Variants in TPRG1 observed in about 807,000 individuals in gnomAD.
TPRG1 encodes tumor protein p63 regulated 1.
A neutral mutation model predicts 29.3 loss-of-function variants in TPRG1; 29 were observed. The ratio of observed to expected loss-of-function variants is 0.99; its 90% CI spans 0.74 to 1.35. TPRG1 has a LOEUF of 1.35. Among genes scored for constraint, TPRG1 ranks in the 40% most tolerant of loss-of-function variants. The pLI is 0.00. For synonymous variants in TPRG1, 130 were observed against 116.8 expected, an observed-to-expected ratio of 1.11 and a Z score of -0.73; for missense variants, 327 against 335.0, an observed-to-expected ratio of 0.98 and a Z score of 0.19.
At chr3:189,193,132 A>ATTTTTTTTTTTTTT (rs555964454) in intron 1 of TPRG1, among the ~76,000 whole-genome samples, 1 of 90,252 alleles carries the variant, frequency 1.1e-5, no homozygotes, top group Non-Finnish European at 2.1e-5. Context: ...TTGACTTTTA[A>ATTTTTTTTTTTTTT]TTTTTTTTTT....
chr3:189,227,761 C>T (rs776126773), intron 3 of TPRG1, among the ~76,000 whole-genome samples: 6 of 152,276 alleles, frequency 3.9e-5, no homozygotes, highest in South Asian at 2.1e-4. Flanking sequence ...ACTATGGTCA[C>T]GCCACTGGCC....
intron 1 of TPRG1, among the ~76,000 whole-genome samples, chr3:189,109,287 C>T (rs1720204866): frequency 6.6e-6 from 1 of 152,152 alleles, no homozygotes; most frequent in African/African-American, 2.4e-5. Flanking sequence ...AAAGAGGAAA[C>T]GACTGTCTAG....
chr3:189,226,797 C>CAAA (rs1175619202), intron 3 of TPRG1, among the ~76,000 whole-genome samples: 1 of 81,760 alleles, frequency 1.2e-5, no homozygotes, highest in Non-Finnish European at 2.6e-5. Flanking sequence ...GCAAGGCTGA[C>CAAA]AAAAAAAAAA....
chr3:189,022,548 G>A (rs1187646406), intron 3 of TPRG1, among the ~76,000 whole-genome samples: 2 of 151,600 alleles, frequency 1.3e-5, no homozygotes, highest in East Asian at 1.9e-4. Flanking sequence ...CTGCTCGGGG[G>A]TCAGGGGTCA....
chr3:189,094,884 C>G (rs76936975), intron 4 of TPRG1, among the ~76,000 whole-genome samples: 2 of 152,078 alleles, frequency 1.3e-5, no homozygotes, highest in African/African-American at 4.8e-5. Flanking sequence ...TTGCTCTGGT[C>G]GAGGCAGGGA....
chr3:189,253,156 A>G (rs1189775525), intron 4 of TPRG1, among the ~76,000 whole-genome samples: 2 of 152,084 alleles, frequency 1.3e-5, no homozygotes, highest in African/African-American at 2.4e-5. Context: ...TCAACCCATC[A>G]TCTACATTAG....
chr3:189,094,499 C>G (rs1302427878), intron 4 of TPRG1, among the ~76,000 whole-genome samples: 4 of 152,094 alleles, frequency 2.6e-5, no homozygotes, highest in African/African-American at 9.7e-5. Flanking sequence ...TAAGAGGTCC[C>G]AGGTTGTCAG....
chr3:189,212,201 A>G (rs1735375769), intron 2 of TPRG1: 1 of 152,172 alleles, frequency 6.6e-6, no homozygotes, highest in Non-Finnish European at 1.5e-5. Flanking sequence ...TTACATACAA[A>G]CTAATGGGAC....
chr3:189,117,724 G>T (rs930373235), intron 1 of TPRG1, among the ~76,000 whole-genome samples: 3 of 152,174 alleles, frequency 2.0e-5, no homozygotes, highest in African/African-American at 4.8e-5. Context: ...TACCCTCGTT[G>T]TACTCATTCC....
At chr3:189,089,899 C>CT (rs1373472890) in intron 4 of TPRG1, among the ~76,000 whole-genome samples, 3 of 151,468 alleles carry the variant, frequency 2.0e-5, no homozygotes, top group Non-Finnish European at 3.0e-5. Context: ...TGTTTGTCTT[C>CT]TTTTTTTTAT....
chr3:189,252,163 C>T (rs888469601), intron 4 of TPRG1, among the ~76,000 whole-genome samples: 3 of 152,188 alleles, frequency 2.0e-5, no homozygotes, highest in Admixed American at 2.0e-4. Context: ...ATCCATTTAA[C>T]CCTGAGTGGA....
intron 3 of TPRG1, among the ~76,000 whole-genome samples, chr3:189,137,273 A>T (rs2108552086): frequency 6.6e-6 from 1 of 151,666 alleles, no homozygotes; most frequent in South Asian, 2.1e-4. Flanking sequence ...GCAACAAAAT[A>T]AACAGCTTCT....
At chr3:189,169,441 A>G (rs1011652237), upstream of TPRG1, among the ~76,000 whole-genome samples, 2 of 152,234 alleles carry the variant, frequency 1.3e-5, no homozygotes, top group Non-Finnish European at 2.9e-5. Context: ...CTGGGATTAC[A>G]GGCATGAGCC....
chr3:189,160,267 A>G (rs1385140678), intron 5 of TPRG1, among the ~76,000 whole-genome samples: 3 of 152,172 alleles, frequency 2.0e-5, no homozygotes, highest in African/African-American at 7.2e-5. Context: ...TTTCTTCTTC[A>G]CAGTGGGAAG....
intron 4 of TPRG1, among the ~76,000 whole-genome samples, chr3:189,259,462 CT>C (rs35016491): frequency 0.24 from 22,003 of 92,080 alleles, 2,461 homozygotes; most frequent in Non-Finnish European, 0.3. Context: ...CCAGGAATCC[CT>C]TTTTTTTTTT....
chr3:189,256,705 T>C (rs1711961097), intron 4 of TPRG1, among the ~76,000 whole-genome samples: 1 of 152,222 alleles, frequency 6.6e-6, no homozygotes, highest in Non-Finnish European at 1.5e-5. Flanking sequence ...TGGGTGCATA[T>C]ATATTTAGGA....
intron 3 of TPRG1, among the ~76,000 whole-genome samples, chr3:189,216,456 G>T (rs953910025): frequency 4.0e-4 from 61 of 152,054 alleles, no homozygotes; most frequent in African/African-American, 1.5e-3. Flanking sequence ...TTATACTATT[G>T]TTTCAAATAA....
intron 4 of TPRG1, among the ~76,000 whole-genome samples, chr3:189,289,536 G>C (rs75370609): frequency 0.014 from 2,077 of 152,086 alleles, 58 homozygotes; most frequent in African/African-American, 0.048. Flanking sequence ...TGTTGACTAC[G>C]TAGTCTTTGA....
At chr3:189,247,267 A>C (rs967252512) in intron 4 of TPRG1, among the ~76,000 whole-genome samples, 1 of 151,754 alleles carries the variant, frequency 6.6e-6, no homozygotes, top group African/African-American at 2.4e-5. Context: ...AGTATTTTTC[A>C]TTTCAAATAT....
Sources: gnomAD v4.1 joint callset for allele counts (sites outside exome capture counted in the v4.1 genomes callset) on GRCh38, gnomAD v4.1.1 for gene constraint, MANE v1.5 for transcripts, NCBI Gene and HGNC (gene_info 2026-07-23, HGNC 2026-07-21) for gene names.